The following SLC25A26 variants were observed in gnomAD, a reference collection of about 807,000 sequenced individuals.
SLC25A26 encodes mitochondrial S-adenosylmethionine carrier protein.
A neutral mutation model predicts 37.8 loss-of-function variants in SLC25A26; 36 were observed. The observed-to-expected ratio is 0.95, with a 90% CI of 0.73 to 1.26. The LOEUF (loss-of-function observed/expected upper bound fraction) is 1.26, where lower values mean the gene tolerates loss of function less well. Ranked by LOEUF, SLC25A26 falls within the 50% of genes most tolerant of loss-of-function variation. SLC25A26 has a pLI of 0.00. For synonymous variants in SLC25A26, 129 were observed against 122.5 expected (o/e 1.05, Z -0.35); for missense variants, 390 against 331.1 (o/e 1.18, Z -1.38).
At chr3:66,153,561 T>C (rs1467130635) in intron 1 of SLC25A26, among the ~76,000 whole-genome samples, 9 of 152,214 alleles carry the variant, frequency 5.9e-5, no homozygotes, top group Admixed American at 5.9e-4. Flanking sequence ...AGACCGCGCT[T>C]TGAGAAACAC....
At chr3:66,367,707 CAGAGAG>C (rs71616221) in intron 7 of SLC25A26, among the ~76,000 whole-genome samples, 59 of 136,888 alleles carry the variant, frequency 4.3e-4, no homozygotes, top group African/African-American at 7.5e-4. Flanking sequence ...CAGACAGACA[CAGAGAG>C]AGAGAGAGAG....
At chr3:66,229,199 A>G (rs373829635) in intron 1 of SLC25A26, among the ~76,000 whole-genome samples, 483 of 152,344 alleles carry the variant, frequency 3.2e-3, no homozygotes, top group African/African-American at 0.01. Flanking sequence ...TGCTAACCAT[A>G]TAACAGGTTC....
intron 1 of SLC25A26, among the ~76,000 whole-genome samples, chr3:66,148,303 G>A (rs370023369): frequency 2.0e-5 from 3 of 152,188 alleles, no homozygotes; most frequent in East Asian, 3.8e-4. Context: ...AAGTGAGCAG[G>A]GTTAAGGAAC....
chr3:66,156,749 C>T (rs1371180491), intron 1 of SLC25A26, among the ~76,000 whole-genome samples: 1 of 152,038 alleles, frequency 6.6e-6, no homozygotes, highest in African/African-American at 2.4e-5. Flanking sequence ...GAACATGCCA[C>T]ACTCCGAGAT....
intron 7 of SLC25A26, among the ~76,000 whole-genome samples, chr3:66,367,701 CAGACACAG>C (rs1469658368): frequency 6.3e-4 from 94 of 149,196 alleles, no homozygotes; most frequent in African/African-American, 2.2e-3. Context: ...GACAGACAGA[CAGACACAG>C]AGAGAGAGAG....
intron 5 of SLC25A26, among the ~76,000 whole-genome samples, chr3:66,343,265 T>A (rs2076249732): frequency 6.6e-6 from 1 of 152,254 alleles, no homozygotes; most frequent in Non-Finnish European, 1.5e-5. Flanking sequence ...TTGTTCATAT[T>A]GTAAATGACA....
chr3:66,162,467 C>A (rs144000090), intron 1 of SLC25A26, among the ~76,000 whole-genome samples: 1 of 151,792 alleles, frequency 6.6e-6, no homozygotes, highest in African/African-American at 2.4e-5. Context: ...CCAAAGCACC[C>A]ATGTATCAAG....
At chr3:66,255,938 G>A (rs1043554290) in intron 3 of SLC25A26, among the ~76,000 whole-genome samples, 5 of 152,068 alleles carry the variant, frequency 3.3e-5, no homozygotes, top group African/African-American at 9.7e-5. Context: ...ATTTTTTATC[G>A]GAGAGGCTTT....
At chr3:66,140,605 C>T (rs2070019596) in intron 1 of SLC25A26, among the ~76,000 whole-genome samples, 1 of 152,126 alleles carries the variant, frequency 6.6e-6, no homozygotes, top group South Asian at 2.1e-4. Context: ...GTTCATTCAC[C>T]TGAGGTTTCT....
intron 1 of SLC25A26, among the ~76,000 whole-genome samples, chr3:66,141,148 A>G (rs1473047811): frequency 6.6e-6 from 1 of 151,720 alleles, no homozygotes; most frequent in Non-Finnish European, 1.5e-5. Flanking sequence ...CTTTGTTGCC[A>G]TAGTATTCTA....
intron 6 of SLC25A26, among the ~76,000 whole-genome samples, chr3:66,347,763 G>A (rs544902347): frequency 6.6e-6 from 1 of 152,126 alleles, no homozygotes; most frequent in Non-Finnish European, 1.5e-5. Context: ...AGAAAATGTG[G>A]TACATACACA....
At chr3:66,242,808 C>T (rs931078757) in intron 2 of SLC25A26, among the ~76,000 whole-genome samples, 1 of 152,124 alleles carries the variant, frequency 6.6e-6, no homozygotes, top group African/African-American at 2.4e-5. Context: ...AGTATGTTTG[C>T]AATTTTAACC....
Position 66,243,112 on chromosome 3 carries a change from AATT to A in SLC25A26, c.191-87_191-85del. The A allele has an allele frequency of 6.1e-6, 4 of 660,340 alleles. No individual in the cohort carries two copies. The South Asian group carries it at 8.2e-5, about 13-fold the overall frequency. The allele number at this position is 660,340 out of a possible 1,614,324, so 40.9% of individuals were successfully genotyped here. On this transcript the variant is annotated intron_variant, in intron 2 of 9. Coordinates refer to ENST00000354883, the MANE Select transcript of SLC25A26 (RefSeq NM_001379210.1). ...CTTTTCTCTTATCTCATAATTTAAT[AATT>A]ATTGTCATACTTTTTGAGAAACATG...
chr3:66,161,969 A>G (rs2070365551), intron 1 of SLC25A26, among the ~76,000 whole-genome samples: 1 of 152,224 alleles, frequency 6.6e-6, no homozygotes, highest in South Asian at 2.1e-4. Context: ...GAAGACTTCC[A>G]GAGCATGTTA....
At chr3:66,374,404 G>A (rs1191111464) in intron 9 of SLC25A26, among the ~76,000 whole-genome samples, 6 of 152,164 alleles carry the variant, frequency 3.9e-5, no homozygotes, top group South Asian at 4.1e-4. Context: ...TGTGTCCACC[G>A]AAGACGGCAA....
chr3:66,259,460 C>A (rs1473550019), intron 3 of SLC25A26, among the ~76,000 whole-genome samples: 1 of 152,108 alleles, frequency 6.6e-6, no homozygotes, highest in African/African-American at 2.4e-5. Flanking sequence ...TCTGAACTTA[C>A]CTCCCTTCTT....
At chr3:66,314,959 C>G (rs963265050) in intron 5 of SLC25A26, among the ~76,000 whole-genome samples, 2 of 151,358 alleles carry the variant, frequency 1.3e-5, no homozygotes, top group African/African-American at 2.4e-5. Context: ...TCTGTGGGGT[C>G]GCCAGTGATA....
intron 5 of SLC25A26, among the ~76,000 whole-genome samples, chr3:66,292,489 C>G (rs1268040536): frequency 6.6e-6 from 1 of 152,118 alleles, no homozygotes; most frequent in African/African-American, 2.4e-5. Flanking sequence ...ATAAGCCAGG[C>G]CTGGTGGTGA....
At chr3:66,181,616 G>T (rs543790403) in intron 1 of SLC25A26, among the ~76,000 whole-genome samples, 3 of 152,030 alleles carry the variant, frequency 2.0e-5, no homozygotes, top group Non-Finnish European at 4.4e-5. Context: ...CTCAAGGGAG[G>T]AAGAAACCAA....
Sources: allele counts gnomAD v4.1 joint callset (sites outside exome capture counted in the v4.1 genomes callset), GRCh38; gene constraint gnomAD v4.1.1; transcripts MANE v1.5; gene names NCBI Gene and HGNC (gene_info 2026-07-23, HGNC 2026-07-21).